The following TSNARE1 variants were observed in gnomAD, a reference collection of about 807,000 sequenced individuals.
The protein encoded by TSNARE1 is t-SNARE domain containing 1.
In TSNARE1, 49 loss-of-function variants were observed where a neutral mutation model predicts 62.0. The ratio of observed to expected loss-of-function variants is 0.79; its 90% CI spans 0.63 to 1.00. TSNARE1 has a LOEUF of 1.00. Ranked by LOEUF, TSNARE1 falls within the 50% of genes least tolerant of loss-of-function variation. The pLI, the probability that TSNARE1 is intolerant of heterozygous loss-of-function variation, is 0.00. For synonymous variants in TSNARE1, 328 were observed against 294.4 expected, an observed-to-expected ratio of 1.11 and a Z score of -1.17; for missense variants, 755 against 700.1, an observed-to-expected ratio of 1.08 and a Z score of -0.88.
intron 12 of TSNARE1, among the ~76,000 whole-genome samples, chr8:142,263,467 AG>A (rs1198596985): frequency 1.3e-5 from 2 of 152,224 alleles, no homozygotes; most frequent in Non-Finnish European, 2.9e-5. Context: ...GTTTAGTTCA[AG>A]GGGTGGACTG....
chr8:142,267,317 A>G (rs1319703926), intron 12 of TSNARE1, among the ~76,000 whole-genome samples: 1 of 152,202 alleles, frequency 6.6e-6, no homozygotes, highest in South Asian at 2.1e-4. Context: ...CAGGATCCAC[A>G]GGTGGACCTG....
Position 142,321,381 on chromosome 8 carries a change from T to C in TSNARE1, c.894-2747A>G, listed in dbSNP as rs111459809. Reference sequence around the variant, plus strand: ...GAAATTACTGCTTTAAATTCTTATATTAGAAAAGAGAAAAGAATAAAATCA... The same window carrying C: ...GAAATTACTGCTTTAAATTCTTATACTAGAAAAGAGAAAAGAATAAAATCA... On this transcript the variant is annotated intron_variant, in intron 6 of 13. Transcript: ENST00000524325. 5.1e-4 allele frequency among the ~76,000 whole-genome samples: 78 copies of C among 152,092 alleles called. 4 individuals are homozygous for C. The highest frequency in any genetic ancestry group is 1.8e-3 in the African/African-American group (76 of 41,466).
At chr8:142,344,987 G>A (rs968278344) in intron 3 of TSNARE1, among the ~76,000 whole-genome samples, 2 of 152,130 alleles carry the variant, frequency 1.3e-5, no homozygotes, top group African/African-American at 2.4e-5. Context: ...GTGGGGACAC[G>A]GTGGCCAGCC....
intron 1 of TSNARE1, among the ~76,000 whole-genome samples, chr8:142,384,679 G>A (rs144269260): frequency 2.1e-4 from 32 of 152,224 alleles, no homozygotes; most frequent in African/African-American, 4.1e-4. Flanking sequence ...AAAAATTATC[G>A]TGAAATGTAT....
At chr8:142,382,174 A>ACAG (rs1554677126) in intron 1 of TSNARE1, among the ~76,000 whole-genome samples, 1 of 152,120 alleles carries the variant, frequency 6.6e-6, no homozygotes, top group African/African-American at 2.4e-5. Flanking sequence ...ACAGAGAGCC[A>ACAG]GAGGAGGAGG....
chr8:142,222,595 T>C (rs201170708), intron 13 of TSNARE1, among the ~76,000 whole-genome samples: 14 of 66,958 alleles, frequency 2.1e-4, no homozygotes, highest in African/African-American at 5.5e-4. Flanking sequence ...CACTCACTCA[T>C]TCATCCACTC....
intron 1 of TSNARE1, 56 bp downstream of exon 1, chr8:142,403,048 C>A (rs865973901): frequency 4.1e-5 from 6 of 148,136 alleles, no homozygotes; most frequent in South Asian, 1.8e-4. Context: ...CCGCCTCGCC[C>A]TCGCCGCCCC....
intron 1 of TSNARE1, among the ~76,000 whole-genome samples, chr8:142,388,837 A>G (rs1837290470): frequency 1.3e-5 from 2 of 152,156 alleles, no homozygotes; most frequent in Non-Finnish European, 2.9e-5. Flanking sequence ...CGGCCTCCCA[A>G]AGTGCTGGGA....
intron 1 of TSNARE1, among the ~76,000 whole-genome samples, chr8:142,392,741 G>C (rs1162539784): frequency 1.3e-5 from 2 of 152,124 alleles, no homozygotes; most frequent in Non-Finnish European, 1.5e-5. Flanking sequence ...TTGAGTTTGA[G>C]ACCACGCGGG....
At chr8:142,318,343 G>T (rs2131698032) in intron 7 of TSNARE1, among the ~76,000 whole-genome samples, 1 of 152,336 alleles carries the variant, frequency 6.6e-6, no homozygotes, top group South Asian at 2.1e-4. Context: ...CCGGCACGTG[G>T]TCAGCACACG....
intron 10 of TSNARE1, among the ~76,000 whole-genome samples, chr8:142,287,429 AGTGGGCCGCCCTCCAGGTC>A (rs1822948578): frequency 1.7e-5 from 1 of 58,734 alleles, no homozygotes; most frequent in Non-Finnish European, 3.0e-5. Context: ...TCTCAGGGAC[AGTGGGCCGCCCTCCAGGTC>A]GTGGAACCCA....
intron 13 of TSNARE1, among the ~76,000 whole-genome samples, chr8:142,225,822 A>G (rs545222699): frequency 6.6e-6 from 1 of 152,308 alleles, no homozygotes; most frequent in South Asian, 2.1e-4. Flanking sequence ...GCGGTGCTCT[A>G]AACAACAGCC....
intron 1 of TSNARE1, among the ~76,000 whole-genome samples, chr8:142,357,298 C>G (rs1586999748): frequency 6.6e-6 from 1 of 152,186 alleles, no homozygotes; most frequent in East Asian, 1.9e-4. Context: ...TCAGAGAACT[C>G]GGGGAGGGGC....
intron 6 of TSNARE1, among the ~76,000 whole-genome samples, chr8:142,327,021 G>T (rs898546369): frequency 6.6e-6 from 1 of 152,190 alleles, no homozygotes; most frequent in Admixed American, 6.5e-5. Context: ...GCTGGCGGGG[G>T]TGTAAAATGG....
chr8:142,283,397 T>C (rs796970589), intron 11 of TSNARE1, among the ~76,000 whole-genome samples: 212 of 118,386 alleles, frequency 1.8e-3, no homozygotes, highest in African/African-American at 6.5e-3. Context: ...AGAGGCGGGG[T>C]TAGTGTCTAT....
rs1823855216 is a variant in TSNARE1 at position 142,291,983 on chromosome 8, T to C, written c.1291-7498A>G. Among the ~76,000 whole-genome samples, 1 of 149,122 alleles carries C rather than the reference T, an allele frequency of 6.7e-6. No individual in the cohort carries two copies. The highest frequency in any genetic ancestry group is 2.5e-5 in the African/African-American group (1 of 40,102). On this transcript the variant is annotated intron_variant, in intron 10 of 13. Coordinates refer to ENST00000524325, the MANE Select transcript of TSNARE1 (RefSeq NM_145003.5). The surrounding 1 kb of genome is among the most constrained non-coding windows in gnomAD (Gnocchi z 4.8). ...CACGCCCCCCCCGGCCCCCCACCTGTTTCAAGCAGAATGTGATAGAAGGGA... is the reference window on the plus strand; with the variant it reads ...CACGCCCCCCCCGGCCCCCCACCTGCTTCAAGCAGAATGTGATAGAAGGGA...
At chr8:142,362,515 C>T (rs536328314) in intron 1 of TSNARE1, among the ~76,000 whole-genome samples, 18 of 152,288 alleles carry the variant, frequency 1.2e-4, no homozygotes, top group Non-Finnish European at 2.1e-4. Context: ...ATTTCCTCAG[C>T]TCGTGGTTCT....
chr8:142,235,391 C>T (rs1456245897), intron 12 of TSNARE1, among the ~76,000 whole-genome samples: 9 of 150,782 alleles, frequency 6.0e-5, no homozygotes, highest in Non-Finnish European at 1.0e-4. Context: ...CCCTCTGCCC[C>T]TCCACCCCCA....
chr8:142,232,292 G>A (rs1455817582), intron 12 of TSNARE1, among the ~76,000 whole-genome samples: 1 of 152,222 alleles, frequency 6.6e-6, no homozygotes, highest in Non-Finnish European at 1.5e-5. Context: ...GACAGGCCCG[G>A]CCTGGCCTCA....
Sources: allele counts gnomAD v4.1 joint callset (sites outside exome capture counted in the v4.1 genomes callset), GRCh38; gene constraint gnomAD v4.1.1; non-coding constraint Gnocchi (gnomAD v3.1); transcripts MANE v1.5; gene names NCBI Gene and HGNC (gene_info 2026-07-23, HGNC 2026-07-21).